Variants in POU4F3 observed in about 807,000 individuals in gnomAD.
POU4F3 encodes the protein POU class 4 homeobox 3, also known as POU domain, class 4, transcription factor 3.
In POU4F3, 7 loss-of-function variants were observed where a neutral mutation model predicts 22.0. That is an observed-to-expected ratio of 0.32 (90% CI 0.18 to 0.60). The LOEUF (loss-of-function observed/expected upper bound fraction) is 0.60, where lower values mean the gene tolerates loss of function less well. Ranked by LOEUF, POU4F3 falls within the 20% of genes least tolerant of loss-of-function variation. POU4F3 has a pLI of 0.85. For synonymous variants in POU4F3, 220 were observed against 194.5 expected (o/e 1.13, Z -1.09); for missense variants, 457 against 467.4 (o/e 0.98, Z 0.21).
rs1271033477 is a variant in POU4F3, at chr5:146,339,906, G to C, written c.479G>C (p.Gly160Ala). 6.2e-7 allele frequency: 1 copy of C among 1,609,282 alleles called. No homozygotes were observed. Among genetic ancestry groups the C allele is most frequent in the Non-Finnish European group, 8.5e-7 (1 of 1,179,950 alleles). Residue 160 changes from glycine to alanine, a missense_variant, in exon 2 of 2, where the codon GGC becomes GCC. By Grantham distance (60) the Gly-to-Ala change is moderately conservative (BLOSUM62 0). Around this residue, in one of 2 missense-constraint regions of POU4F3, gnomAD observed 410 missense variants for 385.0 expected, o/e 1.06. Coordinates refer to ENST00000646991, the MANE Select transcript of POU4F3 (RefSeq NM_002700.3). The surrounding 1 kb of genome is among the most constrained non-coding windows in gnomAD (Gnocchi z 4.7). ...GAMGHLHQAMGMSHPHTVAPH... is the reference protein window; with the variant it reads ...GAMGHLHQAMAMSHPHTVAPH... ...ATGGGCCACCTGCACCAGGCCATGG[G>C]CATGAGTCACCCGCACACCGTGGCC...
chr5:146,339,979 G>A lies in POU4F3; in HGVS notation c.552G>A (p.Pro184=). 1 of 1,612,468 alleles carries A rather than the reference G, an allele frequency of 6.2e-7. No homozygotes were observed. Among genetic ancestry groups the A allele is most frequent in the Non-Finnish European group, 8.5e-7 (1 of 1,179,916 alleles). Residue 184 remains proline (P), a synonymous_variant, in exon 2 of 2, where the codon CCG becomes CCA. Coordinates refer to ENST00000646991, the MANE Select transcript of POU4F3 (RefSeq NM_002700.3). This position sits in a 1 kb window ranked among gnomAD's most constrained non-coding sequence, Gnocchi z 4.7. ...GCCTCAGCGACGTGGAGTCAGACCC[G>A]CGCGAGCTGGAAGCCTTCGCCGAGC... The part of the protein sequence containing the change: ...PACLSDVESD[P]RELEAFAERF...
rs367925648 is a variant in POU4F3, at chr5:146,340,728, G to A, written c.*284G>A. On this transcript the variant is annotated 3_prime_UTR_variant, in exon 2 of 2. Coordinates refer to ENST00000646991, the MANE Select transcript of POU4F3 (RefSeq NM_002700.3). ...TGCTGAAATTTGCCCTCGCGCAGGG[G>A]CCGCACGACTTCAGAGCAGGAGCCC... The A allele has an allele frequency of 5.8e-5, 29 of 501,074 alleles. 1 individual carries two copies. The highest frequency in any genetic ancestry group is 4.2e-4 in the Admixed American group (13 of 30,804). 31.0% of individuals were successfully genotyped at this position (501,074 alleles called of 1,614,324 possible). A position where few individuals can be genotyped will look rare whatever the true frequency, so the allele number is the denominator to read the frequency against.
chr5:146,339,050 G>A lies in POU4F3; in HGVS notation c.-63G>A. 1.6e-5 allele frequency: 26 copies of A among 1,603,394 alleles called. No individual in the cohort carries two copies. The highest frequency in any genetic ancestry group is 2.0e-5 in the Non-Finnish European group (23 of 1,175,246). ...GCTGAGCAGCGCTCACTTGGAGAGC[G>A]GCAAGCAAGCTAGACAAGCCTGATT... On this transcript the variant is annotated 5_prime_UTR_variant, in exon 1 of 2. Transcript: ENST00000646991. The surrounding 1 kb of genome is among the most constrained non-coding windows in gnomAD (Gnocchi z 4.7).
chr5:146,338,997 C>A lies in POU4F3; in HGVS notation c.-116C>A, dbSNP rs969445004. 6 of 1,467,344 alleles carry A rather than the reference C, an allele frequency of 4.1e-6. No homozygotes were observed. The Admixed American group carries it at 5.8e-5, about 14-fold the overall frequency. The allele number at this position is 1,467,344 out of a possible 1,614,324, so 90.9% of individuals were successfully genotyped here. A position where few individuals can be genotyped will look rare whatever the true frequency, so the allele number is the denominator to read the frequency against. ...AGCAGGTGGGGGAGAGGGGAGGCAG[C>A]GAGCGAGAGGGCGAGGGGAGCGCGG... is the stretch of plus-strand genomic sequence containing the variant. On this transcript the variant is annotated 5_prime_UTR_variant, in exon 1 of 2. Coordinates refer to ENST00000646991, the MANE Select transcript of POU4F3 (RefSeq NM_002700.3).
Position 146,341,366 on chromosome 5 carries a change from C to A in POU4F3, c.*922C>A, listed in dbSNP as rs561570779. ...GACTGTAACTTCTCTGCATTATATG[C>A]AAGTCCTTTCAACACGTCTAACCTC... On this transcript the variant is annotated 3_prime_UTR_variant, in exon 2 of 2. Transcript: ENST00000646991. 4 of 152,346 alleles carry A rather than the reference C, an allele frequency of 2.6e-5. No homozygotes were observed. Among genetic ancestry groups the A allele is most frequent in the Admixed American group, 6.5e-5 (1 of 15,306 alleles). The allele number at this position is 152,346 out of a possible 1,614,324, so 9.4% of individuals were successfully genotyped here. A position where few individuals can be genotyped will look rare whatever the true frequency, so the allele number is the denominator to read the frequency against.
Position 146,339,751 on chromosome 5 carries a change from C to G in POU4F3, c.324C>G (p.His108Gln). 6.2e-7 allele frequency: 1 copy of G among 1,613,864 alleles called. No homozygotes were observed. Among genetic ancestry groups the G allele is most frequent in the East Asian group, 2.2e-5 (1 of 44,870 alleles). The change falls in exon 2 of 2, where the codon CAC becomes CAG. Residue 108 changes from histidine to glutamine, a missense_variant. This residue lies in a region of POU4F3 where 410 missense variants were observed against 385.0 expected (regional missense o/e 1.06). Transcript: ENST00000646991. The surrounding 1 kb of genome is among the most constrained non-coding windows in gnomAD (Gnocchi z 4.7). ...CAGCTGCGCTCACCTCACACCCTCACCACGCCGTGCACCAGGGCCTCGAAG... is the reference window on the plus strand; with the variant it reads ...CAGCTGCGCTCACCTCACACCCTCAGCACGCCGTGCACCAGGGCCTCGAAG... ...SHPAALTSHP[H>Q]HAVHQGLEGD... is the part of the protein sequence containing the mutation.
rs1760414342 is a variant in POU4F3 at position 146,339,328 on chromosome 5, C to T, written c.120+96C>T. 6.3e-7 allele frequency: 1 copy of T among 1,579,482 alleles called. No individual in the cohort carries two copies. Among genetic ancestry groups the T allele is most frequent in the Non-Finnish European group, 8.7e-7 (1 of 1,152,608 alleles). On this transcript the variant is annotated intron_variant, in intron 1 of 1. Coordinates refer to ENST00000646991, the MANE Select transcript of POU4F3 (RefSeq NM_002700.3). This position sits in a 1 kb window ranked among gnomAD's most constrained non-coding sequence, Gnocchi z 4.7. ...TGTCGCCCAGAACAATCGCCGCTGT[C>T]TGAACCCCTCTCCTTGTCTCCCCCG...
In POU4F3 at chr5:146,341,623, C is replaced by G. The variant is rs1020015573; in HGVS notation, c.*1179C>G. ...ATGTAGTTTGTGTGTTGCTGTGTGA[C>G]CTTTGGTTTCATTCTCTGAATAGAT... is the stretch of plus-strand genomic sequence containing the variant. On this transcript the variant is annotated 3_prime_UTR_variant, in exon 2 of 2. Transcript: ENST00000646991. 6.6e-6 allele frequency: 1 copy of G among 152,050 alleles called. No homozygotes were observed. Among genetic ancestry groups the G allele is most frequent in the African/African-American group, 2.4e-5 (1 of 41,394 alleles). The allele number at this position is 152,050 out of a possible 1,614,324, so 9.4% of individuals were successfully genotyped here. A position where few individuals can be genotyped will look rare whatever the true frequency, so the allele number is the denominator to read the frequency against.
At position 146,339,195 on chromosome 5, in the gene POU4F3, C is replaced by T. The variant is rs1190567715; in HGVS notation, c.83C>T (p.Ser28Phe). ...EPKFSSLHSG[S>F]EAMRRVCLPA... ...AAATTCTCCAGTCTGCACTCTGGCT[C>T]CGAGGCCATGCGCCGAGTCTGTCTC... The change falls in exon 1 of 2, where the codon TCC (serine) becomes TTC (phenylalanine). Residue 28 changes from serine to phenylalanine, a missense_variant. This residue lies in a region of POU4F3 where 410 missense variants were observed against 385.0 expected (regional missense o/e 1.06). Transcript: ENST00000646991. The surrounding 1 kb of genome is among the most constrained non-coding windows in gnomAD (Gnocchi z 4.7). The T allele has an allele frequency of 1.9e-6, 3 of 1,614,134 alleles. No individual in the cohort carries two copies. The highest frequency in any genetic ancestry group is 2.5e-6 in the Non-Finnish European group (3 of 1,180,052).
Position 146,340,285 on chromosome 5 carries a change from G to A in POU4F3, c.858G>A (p.Lys286=), listed in dbSNP as rs1455370255. ...RKRTSIAAPE[K]RSLEAYFAIQ... ...GCACGTCCATCGCGGCGCCGGAGAAGCGTTCACTCGAGGCCTATTTCGCTA... is the reference window on the plus strand; with the variant it reads ...GCACGTCCATCGCGGCGCCGGAGAAACGTTCACTCGAGGCCTATTTCGCTA... The change falls in exon 2 of 2, where the codon AAG becomes AAA. Residue 286 remains lysine (K), a synonymous_variant. Transcript: ENST00000646991. The A allele has an allele frequency of 1.9e-6, 3 of 1,614,106 alleles. No individual in the cohort carries two copies. Among genetic ancestry groups the A allele is most frequent in the Non-Finnish European group, 2.5e-6 (3 of 1,180,042 alleles).
In POU4F3 at chr5:146,339,290, CAT is replaced by C; in HGVS notation, c.120+59_120+60del. The C allele has an allele frequency of 1.2e-6, 2 of 1,610,628 alleles. No individual in the cohort carries two copies. Among genetic ancestry groups the C allele is most frequent in the Admixed American group, 3.3e-5 (2 of 60,016 alleles). On this transcript the variant is annotated intron_variant, in intron 1 of 1. Coordinates refer to ENST00000646991, the MANE Select transcript of POU4F3 (RefSeq NM_002700.3). The surrounding 1 kb of genome is among the most constrained non-coding windows in gnomAD (Gnocchi z 4.7). Reference sequence around the variant, plus strand: ...CACATTTTTTGACAGGCACTAGCTTCATGTTTTTTTCATGTCGCCCAGAACAA... The same window carrying C: ...CACATTTTTTGACAGGCACTAGCTTCGTTTTTTTCATGTCGCCCAGAACAA...
Position 146,340,263 on chromosome 5 carries a change from C to T in POU4F3, c.836C>T (p.Thr279Met), listed in dbSNP as rs762710510. The T allele has an allele frequency of 5.6e-6, 9 of 1,614,186 alleles. No individual in the cohort carries two copies. In the East Asian group the frequency reaches 1.1e-4, roughly 20 times the overall value. Residue 279 changes from threonine to methionine, a missense_variant, in exon 2 of 2, where the codon ACG becomes ATG. This residue lies in a region of POU4F3 where 47 missense variants were observed against 82.4 expected (regional missense o/e 0.57). Coordinates refer to ENST00000646991, the MANE Select transcript of POU4F3 (RefSeq NM_002700.3). ...FNGSERKRKRTSIAAPEKRSL... is the reference protein window; with the variant it reads ...FNGSERKRKRMSIAAPEKRSL... Reference sequence around the variant, plus strand: ...GGCAGCGAACGGAAGCGCAAACGCACGTCCATCGCGGCGCCGGAGAAGCGT... The same window carrying T: ...GGCAGCGAACGGAAGCGCAAACGCATGTCCATCGCGGCGCCGGAGAAGCGT...
In POU4F3 at chr5:146,339,660, C is replaced by T. The variant is rs1477913887; in HGVS notation, c.233C>T (p.Ala78Val). The T allele has an allele frequency of 1.9e-6, 3 of 1,614,120 alleles. No individual in the cohort carries two copies. The highest frequency in any genetic ancestry group is 2.7e-5 in the African/African-American group (2 of 74,934). Residue 78 changes from alanine (A) to valine (V), a missense_variant, in exon 2 of 2, where the codon GCC (alanine) becomes GTC (valine). Ala to Val is a moderately conservative substitution (Grantham distance 64). This residue lies in a region of POU4F3 where 410 missense variants were observed against 385.0 expected (regional missense o/e 1.06). Coordinates refer to ENST00000646991, the MANE Select transcript of POU4F3 (RefSeq NM_002700.3). The surrounding 1 kb of genome is among the most constrained non-coding windows in gnomAD (Gnocchi z 4.7). Reference protein sequence around the residue: ...HGKNHPFKPDATYHTMSSVPC... With the variant: ...HGKNHPFKPDVTYHTMSSVPC... ...AAGAACCATCCGTTCAAGCCCGACG[C>T]CACCTACCATACCATGAGCAGCGTG...
rs1427446990 is a variant in POU4F3, at chr5:146,340,567, C to T, written c.*123C>T. On this transcript the variant is annotated 3_prime_UTR_variant, in exon 2 of 2. Coordinates refer to ENST00000646991, the MANE Select transcript of POU4F3 (RefSeq NM_002700.3). ...CAGGTTAGGCTCTCTCCTCCGAAGC[C>T]ACAGACTTTCCCCCTTTGTCCCGCC... The T allele has an allele frequency of 1.6e-6, 2 of 1,285,996 alleles. No individual in the cohort carries two copies. Among genetic ancestry groups the T allele is most frequent in the Non-Finnish European group, 2.2e-6 (2 of 916,040 alleles). 79.7% of individuals were successfully genotyped at this position (1,285,996 alleles called of 1,614,324 possible). A position where few individuals can be genotyped will look rare whatever the true frequency, so the allele number is the denominator to read the frequency against.
In POU4F3 at chr5:146,340,731, G is replaced by A. The variant is rs922305678; in HGVS notation, c.*287G>A. On this transcript the variant is annotated 3_prime_UTR_variant, in exon 2 of 2. Coordinates refer to ENST00000646991, the MANE Select transcript of POU4F3 (RefSeq NM_002700.3). Reference sequence around the variant, plus strand: ...TGAAATTTGCCCTCGCGCAGGGGCCGCACGACTTCAGAGCAGGAGCCCCAA... The same window carrying A: ...TGAAATTTGCCCTCGCGCAGGGGCCACACGACTTCAGAGCAGGAGCCCCAA... The A allele has an allele frequency of 8.1e-6, 4 of 494,924 alleles. No individual in the cohort carries two copies. In the South Asian group the frequency reaches 8.4e-5, roughly 10 times the overall value. 30.7% of individuals were successfully genotyped at this position (494,924 alleles called of 1,614,324 possible). A position where few individuals can be genotyped will look rare whatever the true frequency, so the allele number is the denominator to read the frequency against.
chr5:146,339,353 G>A lies in POU4F3; in HGVS notation c.120+121G>A, dbSNP rs1433410684. The A allele has an allele frequency of 2.6e-6, 4 of 1,545,264 alleles. No homozygotes were observed. Among genetic ancestry groups the A allele is most frequent in the Non-Finnish European group, 3.6e-6 (4 of 1,125,546 alleles). Reference sequence around the variant, plus strand: ...CTGAACCCCTCTCCTTGTCTCCCCCGCGTTCTCTCCCGGCGCGCTCTCTCT... The same window carrying A: ...CTGAACCCCTCTCCTTGTCTCCCCCACGTTCTCTCCCGGCGCGCTCTCTCT... On this transcript the variant is annotated intron_variant, in intron 1 of 1. Transcript: ENST00000646991. This position sits in a 1 kb window ranked among gnomAD's most constrained non-coding sequence, Gnocchi z 4.7.
Position 146,338,870 on chromosome 5 carries a change from C to G in POU4F3, c.-243C>G. On this transcript the variant is annotated 5_prime_UTR_variant, in exon 1 of 2. Coordinates refer to ENST00000646991, the MANE Select transcript of POU4F3 (RefSeq NM_002700.3). The stretch of plus-strand genomic sequence containing the variant: ...AGAAAGGCGCGCCGCTAGCTGCTGT[C>G]TCTCCTCACCTCCCGGGCCGCCCCT... 1 of 645,322 alleles carries G rather than the reference C, an allele frequency of 1.5e-6. No individual in the cohort carries two copies. Among genetic ancestry groups the G allele is most frequent in the Non-Finnish European group, 2.7e-6 (1 of 374,988 alleles). 40.0% of individuals were successfully genotyped at this position (645,322 alleles called of 1,614,324 possible). A position where few individuals can be genotyped will look rare whatever the true frequency, so the allele number is the denominator to read the frequency against.
Position 146,340,519 on chromosome 5 carries a change from G to C in POU4F3, c.*75G>C. 3.2e-6 allele frequency: 5 copies of C among 1,579,584 alleles called. No homozygotes were observed. The highest frequency in any genetic ancestry group is 4.3e-6 in the Non-Finnish European group (5 of 1,157,446). On this transcript the variant is annotated 3_prime_UTR_variant, in exon 2 of 2. Coordinates refer to ENST00000646991, the MANE Select transcript of POU4F3 (RefSeq NM_002700.3). ...TCCCGGGTTCGGGGGATGGTTATCG[G>C]GAACTCCAAGGCGTTTCCTAGGCAG... is the stretch of plus-strand genomic sequence containing the variant.
At position 146,340,093 on chromosome 5, in the gene POU4F3, G is replaced by A. The variant is rs1760431134; in HGVS notation, c.666G>A (p.Ser222=). Residue 222 remains serine (S), a synonymous_variant, in exon 2 of 2, where the codon TCG becomes TCA. Coordinates refer to ENST00000646991, the MANE Select transcript of POU4F3 (RefSeq NM_002700.3). ...LANLKIPGVG[S]LSQSTICRFE... ...ATCTCAAGATCCCCGGCGTGGGCTC[G>A]CTGAGCCAAAGCACCATCTGCAGGT... The A allele has an allele frequency of 6.2e-7, 1 of 1,614,186 alleles. No individual in the cohort carries two copies. Among genetic ancestry groups the A allele is most frequent in the Non-Finnish European group, 8.5e-7 (1 of 1,180,044 alleles).
Sources: gnomAD v4.1 joint callset for allele counts on GRCh38, gnomAD v4.1.1 for gene constraint, gnomAD v4.1.1 regional missense constraint, Gnocchi (gnomAD v3.1) non-coding constraint, MANE v1.5 for transcripts, NCBI Gene and HGNC (gene_info 2026-07-23, HGNC 2026-07-21) for gene names.